Variants in PDE6C observed in about 807,000 individuals in gnomAD.
PDE6C encodes the protein phosphodiesterase 6C.
In PDE6C, 75 loss-of-function variants were observed where a neutral mutation model predicts 113.1. That is an observed-to-expected ratio of 0.66 (90% confidence interval 0.55 to 0.80). The LOEUF (loss-of-function observed/expected upper bound fraction) is 0.80. PDE6C is among the 30% of genes least tolerant of loss of function. PDE6C has a pLI of 0.00. For synonymous variants in PDE6C, 375 were observed against 363.7 expected (o/e 1.03, Z -0.35); for missense variants, 912 against 1,038.6 (o/e 0.88, Z 1.67).
chr10:93,659,063 G>T, intron 17 of PDE6C, 41 bp from the exon 18 acceptor site: 2 of 1,572,626 alleles, frequency 1.3e-6, no homozygotes, highest in Non-Finnish European at 1.7e-6. Context: ...AACTTATTTT[G>T]TACTTATTTC....
intron 15 of PDE6C, among the ~76,000 whole-genome samples, chr10:93,651,897 C>A (rs190830898): frequency 1.3e-5 from 2 of 152,126 alleles, no homozygotes; most frequent in Non-Finnish European, 2.9e-5. Flanking sequence ...GAAAGGAATT[C>A]CTTGCTTCTC....
intron 1 of PDE6C, among the ~76,000 whole-genome samples, chr10:93,615,223 C>T (rs1003496931): frequency 5.3e-5 from 8 of 152,038 alleles, no homozygotes; most frequent in African/African-American, 1.9e-4. Flanking sequence ...GTCTGGGAGG[C>T]CAAGGCTGCA....
chr10:93,664,376 A>G (rs569740606), intron 21 of PDE6C, among the ~76,000 whole-genome samples: 89 of 152,318 alleles, frequency 5.8e-4, no homozygotes, highest in African/African-American at 2.0e-3. Flanking sequence ...TGCAATTGAA[A>G]AATTTTTAAG....
In PDE6C at chr10:93,620,894, T is replaced by C. The variant is rs2058442525; in HGVS notation, c.637T>C (p.Phe213Leu). The C allele has an allele frequency of 6.2e-7, 1 of 1,613,804 alleles. No homozygotes were observed. The highest frequency in any genetic ancestry group is 8.5e-7 in the Non-Finnish European group (1 of 1,179,704). Residue 213 changes from phenylalanine (F) to leucine (L), a missense_variant, in exon 3 of 22, where the codon TTT becomes CTT. By Grantham distance (22) the Phe-to-Leu change is conservative. Transcript: ENST00000371447. ...SEFSKQDEEV[F>L]SKYLNFVSII... ...TGTTATTCTCTGCCGTCTGTAGGTC[T>C]TTTCCAAATACCTCAACTTTGTGTC...
intron 13 of PDE6C, 122 bp from the exon 14 acceptor site, chr10:93,640,798 C>G (rs1347262848): frequency 1.3e-6 from 1 of 741,322 alleles, no homozygotes; most frequent in Non-Finnish European, 2.4e-6. Flanking sequence ...ATACTCACAA[C>G]AAATAAAGTG....
chr10:93,619,714 C>T (rs575303690), intron 1 of PDE6C, among the ~76,000 whole-genome samples: 1 of 152,182 alleles, frequency 6.6e-6, no homozygotes, highest in Non-Finnish European at 1.5e-5. Flanking sequence ...GCATGAACCA[C>T]CCCGCCCAGC....
chr10:93,646,741 G>C (rs1362686365), intron 15 of PDE6C, among the ~76,000 whole-genome samples: 1 of 152,056 alleles, frequency 6.6e-6, no homozygotes, highest in Non-Finnish European at 1.5e-5. Flanking sequence ...AGGAGGATGG[G>C]GCTAAACCAT....
At chr10:93,648,210 C>T (rs1224325328) in intron 15 of PDE6C, among the ~76,000 whole-genome samples, 4 of 152,116 alleles carry the variant, frequency 2.6e-5, no homozygotes, top group South Asian at 2.1e-4. Context: ...TCTGAACTGG[C>T]TTTGATGGCT....
intron 8 of PDE6C, among the ~76,000 whole-genome samples, chr10:93,632,405 G>A (rs1372726375): frequency 6.6e-5 from 10 of 152,240 alleles, no homozygotes; most frequent in African/African-American, 1.9e-4. Flanking sequence ...TTCCTTTAAC[G>A]TCAATTAAAG....
chr10:93,628,061 A>C (rs1469215007), intron 7 of PDE6C, among the ~76,000 whole-genome samples: 4 of 152,128 alleles, frequency 2.6e-5, no homozygotes, highest in Admixed American at 6.6e-5. Context: ...GGCAGCTTGA[A>C]ATCTCCCATG....
chr10:93,621,535 C>T (rs2058446394), intron 3 of PDE6C, among the ~76,000 whole-genome samples: 1 of 152,206 alleles, frequency 6.6e-6, no homozygotes, highest in African/African-American at 2.4e-5. Flanking sequence ...AAGGTTACCT[C>T]TGACTATCTC....
intron 15 of PDE6C, among the ~76,000 whole-genome samples, chr10:93,647,067 C>T (rs1314647310): frequency 1.3e-5 from 2 of 152,168 alleles, no homozygotes; most frequent in Non-Finnish European, 2.9e-5. Flanking sequence ...ACTAATCTTC[C>T]AGAGAGGGTA....
chr10:93,654,798 CTT>C (rs760291862), intron 15 of PDE6C, among the ~76,000 whole-genome samples: 2 of 92,596 alleles, frequency 2.2e-5, no homozygotes, highest in African/African-American at 8.8e-5. Flanking sequence ...TTCTTTCTTT[CTT>C]TCTTTCTTTC....
rs2785139 is a variant in PDE6C, at chr10:93,627,037, C to T, written c.1071+166C>T. 0.21 allele frequency among the ~76,000 whole-genome samples: 31,607 copies of T among 151,630 alleles called. 3,759 individuals carry two copies. The highest frequency in any genetic ancestry group is 0.36 in the East Asian group (1,866 of 5,134). ...CAGCACTTTGGGAGGCTGAGGCGGG[C>T]GAATCATCTGAGGTCAGGAGTTCGA... On this transcript the variant is annotated intron_variant, in intron 7 of 21. Coordinates refer to ENST00000371447, the MANE Select transcript of PDE6C (RefSeq NM_006204.4).
At chr10:93,629,957 C>A (rs777886147) in intron 8 of PDE6C, among the ~76,000 whole-genome samples, 1 of 152,060 alleles carries the variant, frequency 6.6e-6, no homozygotes, top group Non-Finnish European at 1.5e-5. Context: ...GATCTAAGGG[C>A]TCAACAGTTC....
chr10:93,630,268 C>A (rs1156410244), intron 8 of PDE6C, among the ~76,000 whole-genome samples: 3 of 152,092 alleles, frequency 2.0e-5, no homozygotes, highest in Non-Finnish European at 4.4e-5. Context: ...ACCTGACCCA[C>A]TTCTCCCCAT....
At chr10:93,618,040 G>A (rs577158110) in intron 1 of PDE6C, among the ~76,000 whole-genome samples, 1 of 152,280 alleles carries the variant, frequency 6.6e-6, no homozygotes, top group Admixed American at 6.5e-5. Context: ...GGATAGAAAA[G>A]AAATGTGGTT....
At position 93,645,966 on chromosome 10, in the gene PDE6C, G is replaced by A. The variant is rs200011594; in HGVS notation, c.1854G>A (p.Thr618=). The part of the protein sequence containing the change: ...GTNNLYQMKS[T]SPLARLHGSS... Reference sequence around the variant, plus strand: ...CATGTTGTTTTCCTTCTAGATCCACGTCTCCATTAGCAAGACTTCATGGTT... The same window carrying A: ...CATGTTGTTTTCCTTCTAGATCCACATCTCCATTAGCAAGACTTCATGGTT... The change falls in exon 15 of 22, where the codon ACG becomes ACA. Residue 618 remains threonine, a synonymous_variant. Transcript: ENST00000371447. 5.3e-5 allele frequency: 84 copies of A among 1,592,070 alleles called. No individual in the cohort carries two copies. In the East Asian group the frequency reaches 8.7e-4, roughly 17 times the overall value.
At chr10:93,649,956 AC>A (rs983252131) in intron 15 of PDE6C, among the ~76,000 whole-genome samples, 9 of 152,182 alleles carry the variant, frequency 5.9e-5, no homozygotes, top group African/African-American at 2.2e-4. Flanking sequence ...TATTTTATAT[AC>A]CTGGGAAACC....
Sources: allele counts gnomAD v4.1 joint callset (sites outside exome capture counted in the v4.1 genomes callset), GRCh38; gene constraint gnomAD v4.1.1; transcripts MANE v1.5; gene names NCBI Gene and HGNC (gene_info 2026-07-23, HGNC 2026-07-21).